The following DSCAM variants were observed in gnomAD, a reference collection of about 807,000 sequenced individuals.
The protein encoded by DSCAM is DS cell adhesion molecule, also known as cell adhesion molecule DSCAM.
Under a neutral mutation model 217.7 loss-of-function variants are expected in DSCAM, and 47 were observed. The observed-to-expected ratio is 0.22, with a 90% CI of 0.17 to 0.28. DSCAM has a LOEUF of 0.28. DSCAM is among the 10% of genes least tolerant of loss of function. The pLI is 1.00. For missense variants in DSCAM, 2,080 were observed against 2,618.3 expected, an observed-to-expected ratio of 0.79 and a Z score of 4.49; for synonymous variants, 1,056 against 1,015.3, an observed-to-expected ratio of 1.04 and a Z score of -0.76.
intron 1 of DSCAM, among the ~76,000 whole-genome samples, chr21:40,752,980 C>T (rs1021710749): frequency 2.7e-5 from 4 of 150,782 alleles, no homozygotes; most frequent in Admixed American, 6.6e-5. Flanking sequence ...ACATGGCTAA[C>T]ACCCTGTCAC....
intron 3 of DSCAM, among the ~76,000 whole-genome samples, chr21:40,606,171 G>A (rs1488219444): frequency 6.6e-6 from 1 of 152,104 alleles, no homozygotes; most frequent in Non-Finnish European, 1.5e-5. Flanking sequence ...ACTTTAGATA[G>A]GAATATGAAT....
At chr21:40,044,691 A>T (rs1297772764) in intron 30 of DSCAM, among the ~76,000 whole-genome samples, 2 of 152,242 alleles carry the variant, frequency 1.3e-5, no homozygotes, top group Admixed American at 1.3e-4. Context: ...CTAGAGAATG[A>T]CTTGAGAGAG....
chr21:40,184,751 C>T (rs1039474400), intron 14 of DSCAM, among the ~76,000 whole-genome samples: 12 of 151,936 alleles, frequency 7.9e-5, no homozygotes, highest in Admixed American at 6.6e-5. Context: ...GCTGGGGATC[C>T]CAGGACACAG....
chr21:40,224,974 T>C (rs570078765), intron 11 of DSCAM, among the ~76,000 whole-genome samples: 1 of 152,208 alleles, frequency 6.6e-6, no homozygotes, highest in African/African-American at 2.4e-5. Flanking sequence ...GTAAGTTGGT[T>C]TGAATTAGAA....
chr21:40,057,009 G>A (rs2089036033), intron 28 of DSCAM, among the ~76,000 whole-genome samples: 1 of 152,160 alleles, frequency 6.6e-6, no homozygotes, highest in African/African-American at 2.4e-5. Context: ...CCAAAGTGAA[G>A]GTCACTCAAG....
chr21:40,306,888 T>C (rs1216004999), intron 9 of DSCAM, among the ~76,000 whole-genome samples: 1 of 151,988 alleles, frequency 6.6e-6, no homozygotes, highest in Non-Finnish European at 1.5e-5. Flanking sequence ...ATCAAGGATA[T>C]TGGTCTAAAA....
chr21:40,251,430 C>G (rs1601485669), intron 11 of DSCAM, among the ~76,000 whole-genome samples: 1 of 152,158 alleles, frequency 6.6e-6, no homozygotes, highest in East Asian at 1.9e-4. Context: ...CTCACCATTC[C>G]CGATGTTTCC....
At chr21:40,038,269 C>G (rs1474622062) in intron 32 of DSCAM, among the ~76,000 whole-genome samples, 4 of 90,138 alleles carry the variant, frequency 4.4e-5, no homozygotes, top group Non-Finnish European at 8.8e-5. Flanking sequence ...ACCTACTCAT[C>G]TGACAAAGGG....
intron 31 of DSCAM, among the ~76,000 whole-genome samples, chr21:40,043,727 C>T (rs947887527): frequency 7.9e-5 from 12 of 152,190 alleles, no homozygotes; most frequent in Admixed American, 5.2e-4. Flanking sequence ...ATGGGTCAGA[C>T]GCCCTCAGAG....
chr21:40,326,055 G>T (rs909494085), intron 8 of DSCAM, among the ~76,000 whole-genome samples: 5 of 152,108 alleles, frequency 3.3e-5, no homozygotes, highest in Admixed American at 1.3e-4. Context: ...AAGGATGCCA[G>T]AAAATTAATT....
intron 3 of DSCAM, among the ~76,000 whole-genome samples, chr21:40,654,248 T>C (rs1447238255): frequency 1.3e-5 from 2 of 152,140 alleles, no homozygotes; most frequent in Admixed American, 6.5e-5. Context: ...ATCAGGGAAA[T>C]GGACCCAAAT....
At chr21:40,455,226 A>G (rs2837637) in intron 3 of DSCAM, among the ~76,000 whole-genome samples, 84,875 of 151,900 alleles carry the variant, frequency 0.56, 24,494 homozygotes, top group African/African-American at 0.71. Flanking sequence ...CCACCAGAAA[A>G]AGTAGTTATT....
intron 27 of DSCAM, among the ~76,000 whole-genome samples, chr21:40,072,450 G>C (rs528566752): frequency 6.6e-6 from 1 of 151,554 alleles, no homozygotes; most frequent in Non-Finnish European, 1.5e-5. Context: ...AGGTTCAAGC[G>C]ATTCTCCTGC....
chr21:40,612,510 G>A lies in DSCAM; in HGVS notation c.508+80300C>T, dbSNP rs74369432. Among the ~76,000 whole-genome samples, 716 of 152,236 alleles carry A rather than the reference G, an allele frequency of 4.7e-3. 6 individuals are homozygous for A. The highest frequency in any genetic ancestry group is 0.016 in the African/African-American group (664 of 41,534). On this transcript the variant is annotated intron_variant, in intron 3 of 32. Transcript: ENST00000400454. ...TACAAATCCCCAAGTCAGATTTGCC[G>A]CGAGGAGAAAGAGATTTCTGTCTAC...
intron 3 of DSCAM, among the ~76,000 whole-genome samples, chr21:40,633,638 T>C (rs1266025223): frequency 6.6e-6 from 1 of 152,154 alleles, no homozygotes. Context: ...ATTTTGGCAA[T>C]AACTGAGTGA....
At position 40,764,326 on chromosome 21, in the gene DSCAM, CAAA is replaced by C. The variant is rs143273195; in HGVS notation, c.44-55558_44-55556del. Among the ~76,000 whole-genome samples the C allele has an allele frequency of 3.6e-3, 448 of 126,068 alleles. 1 individual carries two copies. Among genetic ancestry groups the C allele is most frequent in the Middle Eastern group, 0.012 (3 of 244 alleles). 82.7% of individuals were successfully genotyped at this position (126,068 alleles called of 152,430 possible). ...TCTCAAAAGAAGATATTTATGCCGC[CAAA>C]AAAAAAAAAAAATGAAAAAAAGCTC... On this transcript the variant is annotated intron_variant, in intron 1 of 32. Transcript: ENST00000400454.
chr21:40,340,385 T>A (rs1388781707), intron 6 of DSCAM, among the ~76,000 whole-genome samples: 3 of 152,230 alleles, frequency 2.0e-5, no homozygotes, highest in African/African-American at 7.2e-5. Context: ...TAGTAATAGT[T>A]ACAAATGCAT....
chr21:40,475,143 A>G (rs2075923050), intron 3 of DSCAM, among the ~76,000 whole-genome samples: 1 of 152,208 alleles, frequency 6.6e-6, no homozygotes, highest in South Asian at 2.1e-4. Flanking sequence ...GTGCGCAATT[A>G]ATGACAAGCT....
chr21:40,734,228 C>T (rs929268517), intron 1 of DSCAM, among the ~76,000 whole-genome samples: 2 of 152,112 alleles, frequency 1.3e-5, no homozygotes, highest in African/African-American at 4.8e-5. Context: ...AGGAAATTTT[C>T]ACCTGAAGCT....
Sources: allele counts gnomAD v4.1 joint callset (sites outside exome capture counted in the v4.1 genomes callset), GRCh38; gene constraint gnomAD v4.1.1; transcripts MANE v1.5; gene names NCBI Gene and HGNC (gene_info 2026-07-23, HGNC 2026-07-21).